The following TTLL9 variants were observed in gnomAD, a reference collection of about 807,000 sequenced individuals.
TTLL9 encodes tubulin tyrosine ligase like 9, also known as probable tubulin polyglutamylase TTLL9.
TTLL9 carries 47 observed loss-of-function variants against 65.6 expected under a neutral mutation model. The observed-to-expected ratio is 0.72, with a 90% CI of 0.57 to 0.91. The LOEUF is 0.91. Among genes scored for constraint, TTLL9 ranks in the 40% least tolerant of loss-of-function variants. The pLI is 0.00. For synonymous variants in TTLL9, 179 were observed against 204.8 expected (o/e 0.87, Z 1.07); for missense variants, 537 against 568.8 (o/e 0.94, Z 0.57).
At chr20:31,929,165 G>T (rs549712475) in intron 10 of TTLL9, among the ~76,000 whole-genome samples, 1 of 152,060 alleles carries the variant, frequency 6.6e-6, no homozygotes, top group African/African-American at 2.4e-5. Context: ...CAAGGTGCTG[G>T]GATTACAGGC....
intron 2 of TTLL9, among the ~76,000 whole-genome samples, chr20:31,875,822 C>T (rs1405795128): frequency 2.0e-5 from 3 of 152,022 alleles, no homozygotes; most frequent in South Asian, 2.1e-4. Flanking sequence ...TAGTTAAGTT[C>T]CCTTTTCTCT....
rs1600629505 is a variant in TTLL9, at chr20:31,937,485, T to C, written c.1094T>C (p.Leu365Pro). The C allele has an allele frequency of 1.2e-6, 2 of 1,613,664 alleles. No homozygotes were observed. Among genetic ancestry groups the C allele is most frequent in the Non-Finnish European group, 1.7e-6 (2 of 1,179,742 alleles). ...AAGACCTGCCTCCTGGAAGACACCC[T>C]GCATGTTGTGGACATGGAAGCGAGG... ...ELKTCLLEDTLHVVDMEARLT... is the reference protein window; with the variant it reads ...ELKTCLLEDTPHVVDMEARLT... Residue 365 changes from leucine to proline, a missense_variant, in exon 13 of 15, where the codon CTG (leucine) becomes CCG (proline). This residue lies in a region of TTLL9 where 205 missense variants were observed against 225.9 expected (regional missense o/e 0.91). Transcript: ENST00000535842.
In TTLL9 at chr20:31,943,285, G is replaced by C; in HGVS notation, c.*264G>C. 1.9e-6 allele frequency: 1 copy of C among 540,218 alleles called. No homozygotes were observed. The highest frequency in any genetic ancestry group is 3.4e-6 in the Non-Finnish European group (1 of 298,466). 33.5% of individuals were successfully genotyped at this position (540,218 alleles called of 1,614,324 possible). On this transcript the variant is annotated 3_prime_UTR_variant, in exon 15 of 15. Coordinates refer to ENST00000535842, the MANE Select transcript of TTLL9 (RefSeq NM_001008409.5). Reference sequence around the variant, plus strand: ...CCTTGACAAACTGACTTGGCAGTTAGGCCCAAAGAGAACAAATACAGCAAG... The same window carrying C: ...CCTTGACAAACTGACTTGGCAGTTACGCCCAAAGAGAACAAATACAGCAAG...
intron 4 of TTLL9, among the ~76,000 whole-genome samples, chr20:31,905,450 A>G (rs2063540813): frequency 6.6e-6 from 1 of 152,210 alleles, no homozygotes; most frequent in African/African-American, 2.4e-5. Context: ...CCTGGGGCAC[A>G]GCCACAAGGG....
intron 2 of TTLL9, among the ~76,000 whole-genome samples, chr20:31,872,564 GC>G (rs1413868927): frequency 6.6e-6 from 1 of 151,950 alleles, no homozygotes; most frequent in Non-Finnish European, 1.5e-5. Context: ...TACTCAGGAA[GC>G]TGAAGTGGGA....
chr20:31,934,602 G>A, intron 11 of TTLL9, 90 bp from the exon 12 acceptor site: 1 of 1,242,692 alleles, frequency 8.0e-7, no homozygotes, highest in East Asian at 2.5e-5. Flanking sequence ...AGGTCTAAGG[G>A]AAACACTGAG....
chr20:31,942,771 C>G (rs754091989), intron 14 of TTLL9, among the ~76,000 whole-genome samples, 174 bp from the exon 15 acceptor site: 1 of 152,210 alleles, frequency 6.6e-6, no homozygotes, highest in African/African-American at 2.4e-5. Flanking sequence ...AAAAGGGTAA[C>G]TGACCTGCTT....
chr20:31,931,924 G>A (rs1425014358), intron 10 of TTLL9, among the ~76,000 whole-genome samples: 1 of 152,102 alleles, frequency 6.6e-6, no homozygotes, highest in Non-Finnish European at 1.5e-5. Flanking sequence ...TTTGCCATCT[G>A]TGCTTTTGGT....
At chr20:31,904,065 T>A (rs755169416) in intron 4 of TTLL9, among the ~76,000 whole-genome samples, 12 of 152,208 alleles carry the variant, frequency 7.9e-5, no homozygotes, top group Non-Finnish European at 1.5e-4. Context: ...ATTTGTCTGA[T>A]GTTTTCTCAC....
At position 31,934,671 on chromosome 20, in the gene TTLL9, ACCCG is replaced by A; in HGVS notation, c.808-20_808-17del. ...CTGACTAACTGAGGCTCCTCTCTCG[ACCCG>A]GCTGCCCGGGGCCCAGGGCTGCAAG... On this transcript the variant is annotated splice_polypyrimidine_tract_variant and intron_variant, in intron 11 of 14. Coordinates refer to ENST00000535842, the MANE Select transcript of TTLL9 (RefSeq NM_001008409.5). The A allele has an allele frequency of 6.3e-7, 1 of 1,597,950 alleles. No homozygotes were observed. Among genetic ancestry groups the A allele is most frequent in the East Asian group, 2.2e-5 (1 of 44,650 alleles).
intron 3 of TTLL9, among the ~76,000 whole-genome samples, chr20:31,890,154 C>CTTTCTTTCTTCTTTCTTTCT (rs1555810160): frequency 7.4e-5 from 1 of 13,576 alleles, no homozygotes; most frequent in Non-Finnish European, 1.3e-4. Flanking sequence ...TCCTTCCTTC[C>CTTTCTTTCTTCTTTCTTTCT]TTCTTTCTTT....
At position 31,890,186 on chromosome 20, in the gene TTLL9, T is replaced by TTTCTTTCTTTCTTTCTTTCTTTCTTTC. The variant is rs2063285224; in HGVS notation, c.113+2963_113+2964insTTCTTTCTTTCTTCTTTCTTTCTTTCT. On this transcript the variant is annotated intron_variant, in intron 3 of 14. Coordinates refer to ENST00000535842, the MANE Select transcript of TTLL9 (RefSeq NM_001008409.5). ...CTTTCTTTCTTTCTTTCTTTCTTTCTTTCTTTCTTTCTTTCTCTTTCTTTC... is the reference window on the plus strand; with the variant it reads ...CTTTCTTTCTTTCTTTCTTTCTTTCTTTCTTTCTTTCTTTCTTTCTTTCTTTCTTCTTTCTTTCTTTCTCTTTCTTTC... Among the ~76,000 whole-genome samples the TTTCTTTCTTTCTTTCTTTCTTTCTTTC allele has an allele frequency of 1.4e-5, 2 of 140,258 alleles. 1 individual carries two copies. The highest frequency in any genetic ancestry group is 5.5e-5 in the African/African-American group (2 of 36,518). 92.0% of individuals were successfully genotyped at this position (140,258 alleles called of 152,430 possible).
At chr20:31,927,429 C>T (rs539329759) in intron 10 of TTLL9, among the ~76,000 whole-genome samples, 6 of 136,802 alleles carry the variant, frequency 4.4e-5, no homozygotes, top group South Asian at 2.3e-4. Context: ...TGCAGTGAAC[C>T]GAGATCACGC....
chr20:31,938,030 CTTTCTCTCTCTCTG>C (rs989569193), intron 13 of TTLL9: 16 of 391,434 alleles, frequency 4.1e-5, no homozygotes, highest in Admixed American at 1.9e-4. Flanking sequence ...CTCTCTCTCT[CTTTCTCTCTCTCTG>C]TTTCTCTCTC....
intron 10 of TTLL9, among the ~76,000 whole-genome samples, chr20:31,927,110 A>G (rs2063918635): frequency 6.8e-6 from 1 of 147,690 alleles, no homozygotes; most frequent in African/African-American, 2.6e-5. Flanking sequence ...GCAAGACTGT[A>G]TGTCAAAAAA....
In TTLL9 at chr20:31,944,799, A is replaced by G. The variant is rs974901521; in HGVS notation, c.*1778A>G. On this transcript the variant is annotated 3_prime_UTR_variant, in exon 15 of 15. Coordinates refer to ENST00000535842, the MANE Select transcript of TTLL9 (RefSeq NM_001008409.5). ...GCCAGAGCCAAGGAGCGGGGGGACC[A>G]GGAGAGGTGTGCCCCTGCCATGCTG... The G allele has an allele frequency of 6.6e-6, 1 of 152,248 alleles. No homozygotes were observed. The highest frequency in any genetic ancestry group is 2.4e-5 in the African/African-American group (1 of 41,456). 9.4% of individuals were successfully genotyped at this position (152,248 alleles called of 1,614,324 possible). A position where few individuals can be genotyped will look rare whatever the true frequency, so the allele number is the denominator to read the frequency against.
rs1568721648 is a variant in TTLL9, at chr20:31,873,674, A to AGAG, written c.69+2479_69+2480insGAG. ...AAAAAAAAGACAAAAGAAAGAAAGA[A>AGAG]AGAGAGAGAGAGAAAGAAAGAAAGA... On this transcript the variant is annotated intron_variant, in intron 2 of 14. Transcript: ENST00000535842. Among the ~76,000 whole-genome samples the AGAG allele has an allele frequency of 3.5e-4, 41 of 116,498 alleles. 1 individual carries two copies. Among genetic ancestry groups the AGAG allele is most frequent in the African/African-American group, 1.4e-3 (37 of 26,654 alleles). 76.4% of individuals were successfully genotyped at this position (116,498 alleles called of 152,430 possible). A position where few individuals can be genotyped will look rare whatever the true frequency, so the allele number is the denominator to read the frequency against.
intron 12 of TTLL9, among the ~76,000 whole-genome samples, chr20:31,935,331 G>A (rs1211375427): frequency 5.3e-5 from 8 of 152,216 alleles, no homozygotes; most frequent in Admixed American, 5.2e-4. Context: ...CTGACGAATA[G>A]AACAAGCCTG....
At chr20:31,930,927 C>T (rs912873536) in intron 10 of TTLL9, among the ~76,000 whole-genome samples, 1 of 152,138 alleles carries the variant, frequency 6.6e-6, no homozygotes, top group Non-Finnish European at 1.5e-5. Flanking sequence ...CTCTGCTTCT[C>T]CTCTGCTCCT....
Sources: allele counts gnomAD v4.1 joint callset (sites outside exome capture counted in the v4.1 genomes callset), GRCh38; gene constraint gnomAD v4.1.1; regional missense constraint gnomAD v4.1.1; transcripts MANE v1.5; gene names NCBI Gene and HGNC (gene_info 2026-07-23, HGNC 2026-07-21).